The following MARCHF1 variants were observed in gnomAD, a reference collection of about 807,000 sequenced individuals.
MARCHF1 encodes the protein E3 ubiquitin-protein ligase MARCHF1.
MARCHF1 carries 40 observed loss-of-function variants against 54.2 expected under a neutral mutation model. The ratio of observed to expected loss-of-function variants is 0.74; its 90% CI spans 0.57 to 0.96. MARCHF1 has a LOEUF of 0.96. MARCHF1 is among the 40% of genes least tolerant of loss of function. The pLI, the probability that MARCHF1 is intolerant of heterozygous loss-of-function variation, is 0.00. For synonymous variants in MARCHF1, 236 were observed against 236.3 expected (o/e 1.00, Z 0.01); for missense variants, 586 against 656.5 (o/e 0.89, Z 1.17).
intron 5 of MARCHF1, among the ~76,000 whole-genome samples, chr4:163,673,980 C>A (rs1314166962): frequency 6.6e-6 from 1 of 152,030 alleles, no homozygotes; most frequent in Non-Finnish European, 1.5e-5. Flanking sequence ...AACAAAAACC[C>A]AACTTGGTCC....
At chr4:164,203,885 T>A (rs982377344) in intron 1 of MARCHF1, among the ~76,000 whole-genome samples, 3 of 152,208 alleles carry the variant, frequency 2.0e-5, no homozygotes, top group Admixed American at 6.5e-5. Context: ...TGGGTTACAA[T>A]TGTAAAATGT....
At chr4:163,583,438 T>C (rs1740294418) in intron 8 of MARCHF1, among the ~76,000 whole-genome samples, 1 of 152,124 alleles carries the variant, frequency 6.6e-6, no homozygotes, top group Admixed American at 6.6e-5. Context: ...CATATATAAG[T>C]GCTATTAAAA....
At chr4:164,286,136 T>A (rs1486400364) in intron 1 of MARCHF1, among the ~76,000 whole-genome samples, 1 of 152,154 alleles carries the variant, frequency 6.6e-6, no homozygotes, top group Non-Finnish European at 1.5e-5. Flanking sequence ...AGCATAGTAG[T>A]CTACCTGTAC....
At chr4:163,594,123 G>T (rs1272139380) in intron 7 of MARCHF1, among the ~76,000 whole-genome samples, 1 of 152,124 alleles carries the variant, frequency 6.6e-6, no homozygotes, top group Non-Finnish European at 1.5e-5. Flanking sequence ...GGGGACCGGG[G>T]GAGGGTAGAA....
At chr4:164,042,123 A>T (rs1331463948) in intron 2 of MARCHF1, among the ~76,000 whole-genome samples, 3 of 152,086 alleles carry the variant, frequency 2.0e-5, no homozygotes, top group Non-Finnish European at 4.4e-5. Flanking sequence ...TATGTTTACC[A>T]TTGTCTTCTA....
At chr4:163,918,347 C>T (rs1751354683) in intron 3 of MARCHF1, among the ~76,000 whole-genome samples, 2 of 152,022 alleles carry the variant, frequency 1.3e-5, no homozygotes, top group Admixed American at 1.3e-4. Flanking sequence ...TATTTTCTCC[C>T]CGTCTGTTGT....
intron 4 of MARCHF1, among the ~76,000 whole-genome samples, chr4:163,716,762 G>A (rs971155596): frequency 6.6e-6 from 1 of 152,152 alleles, no homozygotes; most frequent in Non-Finnish European, 1.5e-5. Flanking sequence ...ACACAGAACT[G>A]TCAAAGTTTG....
chr4:163,690,312 T>C (rs1428154870), intron 5 of MARCHF1, among the ~76,000 whole-genome samples: 1 of 152,226 alleles, frequency 6.6e-6, no homozygotes, highest in African/African-American at 2.4e-5. Context: ...ACAGTGTCAA[T>C]AGAATGCAAG....
chr4:164,167,926 A>G (rs2110964652), intron 1 of MARCHF1, among the ~76,000 whole-genome samples: 1 of 152,152 alleles, frequency 6.6e-6, no homozygotes, highest in East Asian at 1.9e-4. Flanking sequence ...AAATGGAACT[A>G]CGTCAAACTA....
chr4:164,288,804 C>T (rs1365621953), intron 1 of MARCHF1, among the ~76,000 whole-genome samples: 1 of 151,956 alleles, frequency 6.6e-6, no homozygotes, highest in African/African-American at 2.4e-5. Flanking sequence ...AAAAAAATTC[C>T]GAGGTGAGAG....
rs1337027396 is a variant in MARCHF1, at chr4:163,975,182, T to TCA, written c.-39+13318_-39+13319insTG. Among the ~76,000 whole-genome samples, 64 of 139,384 alleles carry TCA rather than the reference T, an allele frequency of 4.6e-4. 1 individual carries two copies. The highest frequency in any genetic ancestry group is 2.0e-3 in the African/African-American group (64 of 32,630). 91.4% of individuals were successfully genotyped at this position (139,384 alleles called of 152,430 possible). ...TAATAAAGCTCTCTCTCTCTCTCTC[T>TCA]CTCTCTCTCTCTCTCACACACACAC... On this transcript the variant is annotated intron_variant, in intron 3 of 9. Transcript: ENST00000514618.
intron 1 of MARCHF1, among the ~76,000 whole-genome samples, chr4:164,220,386 T>A (rs1732061580): frequency 6.8e-6 from 1 of 147,220 alleles, no homozygotes; most frequent in East Asian, 2.0e-4. Flanking sequence ...ATTCCATTCC[T>A]ATGTATATAG....
intron 2 of MARCHF1, among the ~76,000 whole-genome samples, chr4:164,048,235 T>G (rs769975142): frequency 1.3e-5 from 2 of 152,206 alleles, no homozygotes; most frequent in Non-Finnish European, 2.9e-5. Flanking sequence ...GTATTTTTAT[T>G]ATTGTTTTAC....
At chr4:163,859,365 C>CTTT (rs34227596) in intron 3 of MARCHF1, among the ~76,000 whole-genome samples, 7 of 130,184 alleles carry the variant, frequency 5.4e-5, no homozygotes, top group South Asian at 5.2e-4. Flanking sequence ...GAGAGAAAAG[C>CTTT]TTTTTTTTTT....
intron 1 of MARCHF1, among the ~76,000 whole-genome samples, chr4:164,142,234 C>G (rs1231681124): frequency 2.0e-5 from 3 of 152,174 alleles, no homozygotes; most frequent in Middle Eastern, 3.2e-3. Flanking sequence ...AGGCCGCAGC[C>G]AGGCTTGGGG....
chr4:164,362,789 A>G (rs1268668851), intron 1 of MARCHF1, among the ~76,000 whole-genome samples: 1 of 152,196 alleles, frequency 6.6e-6, no homozygotes, highest in East Asian at 1.9e-4. Context: ...ATTTACAAAT[A>G]GTATCATCTA....
intron 4 of MARCHF1, among the ~76,000 whole-genome samples, chr4:163,839,643 G>A (rs1749283672): frequency 6.6e-6 from 1 of 152,060 alleles, no homozygotes; most frequent in African/African-American, 2.4e-5. Context: ...GAGATGTCTA[G>A]ATTAGACACA....
At chr4:164,020,589 T>C (rs945233705) in intron 2 of MARCHF1, among the ~76,000 whole-genome samples, 1 of 152,152 alleles carries the variant, frequency 6.6e-6, no homozygotes, top group Non-Finnish European at 1.5e-5. Flanking sequence ...TGGCCACTTA[T>C]AATAAGCTCT....
chr4:164,040,009 A>C (rs1025926586), intron 2 of MARCHF1, among the ~76,000 whole-genome samples: 102 of 147,070 alleles, frequency 6.9e-4, no homozygotes, highest in African/African-American at 2.4e-3. Flanking sequence ...TGTATATATA[A>C]TATATATACA....
Sources: gnomAD v4.1 joint callset for allele counts (sites outside exome capture counted in the v4.1 genomes callset) on GRCh38, gnomAD v4.1.1 for gene constraint, MANE v1.5 for transcripts, NCBI Gene and HGNC (gene_info 2026-07-23, HGNC 2026-07-21) for gene names.